The following UBE2Q1 variants were observed in gnomAD, a reference collection of about 807,000 sequenced individuals.
UBE2Q1 encodes ubiquitin-conjugating enzyme E2 Q1.
A neutral mutation model predicts 60.1 loss-of-function variants in UBE2Q1; 6 were observed. That is an observed-to-expected ratio of 0.10 (90% CI 0.05 to 0.20). The LOEUF (loss-of-function observed/expected upper bound fraction) is 0.20, where lower values mean the gene tolerates loss of function less well. UBE2Q1 is among the 10% of genes least tolerant of loss of function. The probability of loss-of-function intolerance (pLI) is 1.00; values close to 1 mark genes in which losing one functional copy is unlikely to be tolerated. For missense variants in UBE2Q1, 262 were observed against 525.8 expected, an observed-to-expected ratio of 0.50 and a Z score of 4.91; for synonymous variants, 226 against 208.3, an observed-to-expected ratio of 1.09 and a Z score of -0.73.
intron 4 of UBE2Q1, chr1:154,553,812 G>A (rs1056532186): frequency 1.3e-5 from 2 of 152,464 alleles, no homozygotes; most frequent in African/African-American, 4.8e-5. Flanking sequence ...CATAGGGAAG[G>A]AGGAGAACCT....
rs1218684291 is a variant in UBE2Q1, at chr1:154,551,913, C to T, written c.1025+8G>A. On this transcript the variant is annotated splice_region_variant and intron_variant, in intron 9 of 12. Transcript: ENST00000292211. Reference sequence around the variant, plus strand: ...GGAGATGCCCTCTTCCGCATGCCAGCCACTCACCCTCCAGAGAGGACTGGA... The same window carrying T: ...GGAGATGCCCTCTTCCGCATGCCAGTCACTCACCCTCCAGAGAGGACTGGA... 2 of 1,614,062 alleles carry T rather than the reference C, an allele frequency of 1.2e-6. No individual in the cohort carries two copies. The highest frequency in any genetic ancestry group is 2.7e-5 in the African/African-American group (2 of 74,906).
At chr1:154,555,660 G>T in intron 2 of UBE2Q1, 128 bp from the exon 3 acceptor site, 1 of 971,390 alleles carries the variant, frequency 1.0e-6, no homozygotes, top group Non-Finnish European at 1.6e-6. Flanking sequence ...CCACGTGGCT[G>T]TGGGAATGAG....
At chr1:154,556,259 A>G (rs1282163654) in intron 1 of UBE2Q1, among the ~76,000 whole-genome samples, 1 of 152,150 alleles carries the variant, frequency 6.6e-6, no homozygotes, top group Non-Finnish European at 1.5e-5. Flanking sequence ...CTTGGCTAAC[A>G]GCGAAGGGGG....
Position 154,550,212 on chromosome 1 carries a change from G to C in UBE2Q1, c.*226C>G. Reference sequence around the variant, plus strand: ...GCCTGCTAGCAAGGGTTCCAGCAAGGTGGTTGGTTGGTCTGTAAGTCAGTC... The same window carrying C: ...GCCTGCTAGCAAGGGTTCCAGCAAGCTGGTTGGTTGGTCTGTAAGTCAGTC... On this transcript the variant is annotated 3_prime_UTR_variant, in exon 13 of 13. Transcript: ENST00000292211. 5.6e-6 allele frequency: 3 copies of C among 537,912 alleles called. No homozygotes were observed. The highest frequency in any genetic ancestry group is 9.7e-6 in the Non-Finnish European group (3 of 307,872). The allele number at this position is 537,912 out of a possible 1,614,324, so 33.3% of individuals were successfully genotyped here.
intron 1 of UBE2Q1, among the ~76,000 whole-genome samples, chr1:154,557,573 T>C (rs1275321945): frequency 6.6e-6 from 1 of 152,050 alleles, no homozygotes; most frequent in Non-Finnish European, 1.5e-5. Context: ...AATGGACATA[T>C]CCATAGGGAA....
At chr1:154,552,354 C>G in intron 7 of UBE2Q1, 50 bp downstream of exon 7, 1 of 1,609,686 alleles carries the variant, frequency 6.2e-7, no homozygotes, top group Non-Finnish European at 8.5e-7. Context: ...ACAGTAGCCC[C>G]ACTCACACTC....
At position 154,550,875 on chromosome 1, in the gene UBE2Q1, C is replaced by G. The variant is rs41314557; in HGVS notation, c.1237+63G>C. On this transcript the variant is annotated intron_variant, in intron 12 of 12. Transcript: ENST00000292211. ...AAAAGAAGGGGTTCTTGCTCTGTGG[C>G]TGGAAGTGAAAACCTGGGTGTGGCA... 926 of 1,613,238 alleles carry G rather than the reference C, an allele frequency of 5.7e-4. 6 individuals carry two copies. The African/African-American group carries it at 0.01, about 18-fold the overall frequency.
chr1:154,549,442 A>G lies in UBE2Q1; in HGVS notation c.*996T>C, dbSNP rs2149360818. On this transcript the variant is annotated 3_prime_UTR_variant, in exon 13 of 13. Transcript: ENST00000292211. ...CTTTTTGATAAAGCCAAATGAAGCAAGAGAGAGGGAGGTGAGCAAAGCTTA... is the reference window on the plus strand; with the variant it reads ...CTTTTTGATAAAGCCAAATGAAGCAGGAGAGAGGGAGGTGAGCAAAGCTTA... 6.6e-6 allele frequency: 1 copy of G among 152,592 alleles called. No homozygotes were observed. The highest frequency in any genetic ancestry group is 2.4e-5 in the African/African-American group (1 of 41,576). 9.5% of individuals were successfully genotyped at this position (152,592 alleles called of 1,614,324 possible).
chr1:154,551,348 T>C, intron 11 of UBE2Q1, 49 bp downstream of exon 11: 1 of 1,589,290 alleles, frequency 6.3e-7, no homozygotes, highest in Admixed American at 1.7e-5. Flanking sequence ...TGGCCCCAAG[T>C]GTACTTGGCT....
chr1:154,552,844 C>A (rs1695816079), intron 5 of UBE2Q1, 24 bp from the exon 6 acceptor site: 1 of 1,613,020 alleles, frequency 6.2e-7, no homozygotes, highest in Non-Finnish European at 8.5e-7. Context: ...ATGACAGGAA[C>A]ATTCCTTGGT....
chr1:154,557,406 T>C (rs1052477394), intron 1 of UBE2Q1, among the ~76,000 whole-genome samples: 2 of 152,172 alleles, frequency 1.3e-5, no homozygotes, highest in African/African-American at 4.8e-5. Flanking sequence ...TCAAGGGATG[T>C]CTGAGGGTAG....
chr1:154,558,654 G>C lies in UBE2Q1; in HGVS notation c.-101C>G. 2 of 978,464 alleles carry C rather than the reference G, an allele frequency of 2.0e-6. No individual in the cohort carries two copies. Among genetic ancestry groups the C allele is most frequent in the South Asian group, 4.5e-5 (1 of 22,116 alleles). 60.6% of individuals were successfully genotyped at this position (978,464 alleles called of 1,614,324 possible). On this transcript the variant is annotated 5_prime_UTR_variant, in exon 1 of 13. Coordinates refer to ENST00000292211, the MANE Select transcript of UBE2Q1 (RefSeq NM_017582.7). Reference sequence around the variant, plus strand: ...GCCGCCGCCGCCGCCGCCGCGGTCCGCACTTCCTGATCCCCCCTTCGCCAA... The same window carrying C: ...GCCGCCGCCGCCGCCGCCGCGGTCCCCACTTCCTGATCCCCCCTTCGCCAA...
At chr1:154,553,863 C>T (rs1352066414) in intron 4 of UBE2Q1, among the ~76,000 whole-genome samples, 1 of 152,184 alleles carries the variant, frequency 6.6e-6, no homozygotes, top group Non-Finnish European at 1.5e-5. Context: ...GGGGGTGTGG[C>T]CCAGAGGGCT....
At position 154,552,081 on chromosome 1, in the gene UBE2Q1, GAA is replaced by G. The variant is rs746217911; in HGVS notation, c.966+10_966+11del. On this transcript the variant is annotated intron_variant, in intron 8 of 12. Transcript: ENST00000292211. ...TAGGCCAGAGGGAGAGACTGGAAAAGAAAAGTCTTACTTTAAAGGAAAAGTTA... is the reference window on the plus strand; with the variant it reads ...TAGGCCAGAGGGAGAGACTGGAAAAGAAGTCTTACTTTAAAGGAAAAGTTA... 1.4e-4 allele frequency: 234 copies of G among 1,614,072 alleles called. No homozygotes were observed. The highest frequency in any genetic ancestry group is 1.9e-4 in the Non-Finnish European group (229 of 1,180,028).
intron 1 of UBE2Q1, among the ~76,000 whole-genome samples, chr1:154,557,370 C>G (rs1404113740): frequency 6.6e-6 from 1 of 152,218 alleles, no homozygotes; most frequent in African/African-American, 2.4e-5. Context: ...CAGACATTCC[C>G]AAATTAGCAG....
chr1:154,555,716 G>T, intron 2 of UBE2Q1, 144 bp downstream of exon 2: 3 of 888,112 alleles, frequency 3.4e-6, no homozygotes, highest in Non-Finnish European at 5.3e-6. Flanking sequence ...TCTCCCTCTG[G>T]CTTCAGTAAG....
At chr1:154,558,164 A>C (rs1165500014) in intron 1 of UBE2Q1, 63 bp downstream of exon 1, 1 of 1,367,486 alleles carries the variant, frequency 7.3e-7, no homozygotes, top group African/African-American at 1.5e-5. Context: ...AAAAAGCTGG[A>C]TGGAGTGATC....
Sources: allele counts gnomAD v4.1 joint callset (sites outside exome capture counted in the v4.1 genomes callset), GRCh38; gene constraint gnomAD v4.1.1; transcripts MANE v1.5; gene names NCBI Gene and HGNC (gene_info 2026-07-23, HGNC 2026-07-21).